The following PI4KB variants were observed in gnomAD, a reference collection of about 807,000 sequenced individuals.
PI4KB encodes the protein phosphatidylinositol 4-kinase beta, also known as PtdIns 4-kinase beta.
PI4KB carries 23 observed loss-of-function variants against 81.4 expected under a neutral mutation model. The observed-to-expected ratio is 0.28, with a 90% CI of 0.20 to 0.40. The LOEUF (loss-of-function observed/expected upper bound fraction) is 0.40. Ranked by LOEUF, PI4KB falls within the 10% of genes least tolerant of loss-of-function variation. PI4KB has a pLI of 1.00. For synonymous variants in PI4KB, 381 were observed against 406.8 expected, an observed-to-expected ratio of 0.94 and a Z score of 0.76; for missense variants, 651 against 1,036.6, an observed-to-expected ratio of 0.63 and a Z score of 5.11.
At chr1:151,327,565 ATTC>A (rs113291682), upstream of PI4KB, 10 of 391,472 alleles carry the variant, frequency 2.6e-5, no homozygotes, top group African/African-American at 6.2e-5. Flanking sequence ...TCGATGTAGT[ATTC>A]TTCTCCGGAG....
intron 2 of PI4KB, among the ~76,000 whole-genome samples, chr1:151,311,727 G>A (rs1696245590): frequency 6.6e-6 from 1 of 152,194 alleles, no homozygotes; most frequent in Admixed American, 6.5e-5. Flanking sequence ...GGTATATCAT[G>A]ACCTGCTCCT....
intron 9 of PI4KB, among the ~76,000 whole-genome samples, chr1:151,295,144 A>C (rs1397168118): frequency 6.6e-6 from 1 of 152,238 alleles, no homozygotes; most frequent in Non-Finnish European, 1.5e-5. Context: ...GCAGCTGTAG[A>C]AGAGTTAAAG....
intron 1 of PI4KB, chr1:151,326,085 G>C (rs527511017): frequency 4.2e-5 from 52 of 1,236,480 alleles, no homozygotes; most frequent in Non-Finnish European, 6.0e-5. Context: ...ATTCCTCATG[G>C]ATCTGGACAG....
chr1:151,324,934 G>C, intron 1 of PI4KB: 1 of 976,950 alleles, frequency 1.0e-6, no homozygotes, highest in Non-Finnish European at 1.2e-6. Flanking sequence ...AGAAAGCAGG[G>C]AAATGAGAGG....
At chr1:151,302,729 C>T (rs1695399021) in intron 6 of PI4KB, among the ~76,000 whole-genome samples, 1 of 151,268 alleles carries the variant, frequency 6.6e-6, no homozygotes, top group Non-Finnish European at 1.5e-5. Flanking sequence ...AGGCGCCCAC[C>T]ACCACGCCCA....
intron 11 of PI4KB, chr1:151,293,704 C>A (rs1694530157): frequency 3.0e-6 from 1 of 338,142 alleles, no homozygotes; most frequent in East Asian, 7.9e-5. Context: ...TGGAAGGAGA[C>A]TGAGAAACTC....
Position 151,306,315 on chromosome 1 carries a change from T to C in PI4KB, c.1231A>G (p.Thr411Ala). 6.2e-7 allele frequency: 1 copy of C among 1,614,112 alleles called. No homozygotes were observed. Among genetic ancestry groups the C allele is most frequent in the Non-Finnish European group, 8.5e-7 (1 of 1,180,006 alleles). The change falls in exon 5 of 12, where the codon ACC becomes GCC. Residue 411 changes from threonine to alanine, a missense_variant. Around this residue, in one of 5 missense-constraint regions of PI4KB, gnomAD observed 246 missense variants for 430.1 expected, o/e 0.57. Transcript: ENST00000368873. The part of the protein sequence containing the change: ...VEVLECENFD[T>A]TSVPARIPEN... ...GGGATCCGGGCAGGGACACTGGTGGTGTCAAAGTTTTCACATTCAAGGACT... is the reference window on the plus strand; with the variant it reads ...GGGATCCGGGCAGGGACACTGGTGGCGTCAAAGTTTTCACATTCAAGGACT...
intron 9 of PI4KB, among the ~76,000 whole-genome samples, chr1:151,297,241 T>C (rs587712470): frequency 1.2e-4 from 18 of 152,172 alleles, no homozygotes; most frequent in African/African-American, 3.1e-4. Flanking sequence ...ACCACCATGC[T>C]TGGCTAATTT....
chr1:151,310,194 A>G lies in PI4KB; in HGVS notation c.954+17T>C. On this transcript the variant is annotated intron_variant, in intron 3 of 11. Transcript: ENST00000368873. ...CTGGGGGAGCCTGCCACCCCGTCCC[A>G]GCCTGGCCCCACTTACGGAACTGAA... The G allele has an allele frequency of 6.3e-7, 1 of 1,599,440 alleles. No individual in the cohort carries two copies. The highest frequency in any genetic ancestry group is 8.6e-7 in the Non-Finnish European group (1 of 1,169,384).
intron 11 of PI4KB, chr1:151,293,285 T>G: frequency 7.2e-7 from 1 of 1,387,356 alleles, no homozygotes; most frequent in East Asian, 3.2e-5. Flanking sequence ...CACATCTCCC[T>G]CAGTAAGGGT....
chr1:151,314,138 C>T (rs1647542158), intron 2 of PI4KB, among the ~76,000 whole-genome samples: 1 of 152,274 alleles, frequency 6.6e-6, no homozygotes, highest in South Asian at 2.1e-4. Context: ...CTCCCTCCCT[C>T]TTCCTTTTCT....
intron 4 of PI4KB, 123 bp downstream of exon 4, chr1:151,307,451 T>A (rs1300248050): frequency 1.5e-6 from 1 of 652,592 alleles, no homozygotes; most frequent in Admixed American, 2.4e-5. Context: ...GACATATGCA[T>A]CATGAACTAT....
intron 9 of PI4KB, among the ~76,000 whole-genome samples, chr1:151,295,462 G>A (rs1009276415): frequency 6.6e-6 from 1 of 152,190 alleles, no homozygotes; most frequent in African/African-American, 2.4e-5. Flanking sequence ...AGTTGTCATG[G>A]TTCAACCTCA....
intron 8 of PI4KB, 83 bp from the exon 9 acceptor site, chr1:151,299,156 C>T: frequency 8.0e-7 from 1 of 1,252,390 alleles, no homozygotes; most frequent in Non-Finnish European, 1.1e-6. Context: ...TTTCTCCAGC[C>T]TCTCTCCTTG....
chr1:151,296,433 A>C (rs1694797819), intron 9 of PI4KB, among the ~76,000 whole-genome samples: 1 of 151,982 alleles, frequency 6.6e-6, no homozygotes, highest in Admixed American at 6.6e-5. Context: ...TTTAAATATA[A>C]GAATGTCAGG....
At chr1:151,321,084 G>T (rs1256001370) in intron 1 of PI4KB, among the ~76,000 whole-genome samples, 1 of 152,138 alleles carries the variant, frequency 6.6e-6, no homozygotes, top group Non-Finnish European at 1.5e-5. Flanking sequence ...AACTCCCAGG[G>T]CTCAGCTAAG....
chr1:151,316,575 C>A, intron 1 of PI4KB, 66 bp from the exon 2 acceptor site: 2 of 1,167,204 alleles, frequency 1.7e-6, no homozygotes, highest in South Asian at 1.9e-5. Context: ...TTAGTGGTGC[C>A]ATCCTCAGAT....
In PI4KB at chr1:151,303,678, G is replaced by A. The variant is rs775400838; in HGVS notation, c.1411-28C>T. On this transcript the variant is annotated intron_variant, in intron 5 of 11. Transcript: ENST00000368873. ...GGAGAAAGGGGAGTGCTGGTCAGAA[G>A]TGCTAAAGTATAGGTCTCCCGTCTT... 1.5e-5 allele frequency: 22 copies of A among 1,449,592 alleles called. No homozygotes were observed. The South Asian group carries it at 1.9e-4, about 13-fold the overall frequency. 89.8% of individuals were successfully genotyped at this position (1,449,592 alleles called of 1,614,324 possible).
chr1:151,294,228 C>T (rs1694601193), intron 10 of PI4KB, 90 bp from the exon 11 acceptor site: 2 of 1,524,336 alleles, frequency 1.3e-6, no homozygotes, highest in African/African-American at 1.4e-5. Flanking sequence ...TCCTCCTCCT[C>T]TTGGGGCCCT....
Sources: gnomAD v4.1 joint callset for allele counts (sites outside exome capture counted in the v4.1 genomes callset) on GRCh38, gnomAD v4.1.1 for gene constraint, gnomAD v4.1.1 regional missense constraint, MANE v1.5 for transcripts, NCBI Gene and HGNC (gene_info 2026-07-23, HGNC 2026-07-21) for gene names.